Variants in MSI2 observed in about 807,000 individuals in gnomAD.
The protein encoded by MSI2 is musashi RNA binding protein 2, also known as RNA-binding protein Musashi homolog 2.
A neutral mutation model predicts 45.6 loss-of-function variants in MSI2; 17 were observed. That is an observed-to-expected ratio of 0.37 (90% CI 0.26 to 0.56). The LOEUF (loss-of-function observed/expected upper bound fraction) is 0.56. MSI2 is among the 20% of genes least tolerant of loss of function. The pLI is 0.77. For synonymous variants in MSI2, 156 were observed against 158.2 expected, an observed-to-expected ratio of 0.99 and a Z score of 0.11; for missense variants, 293 against 444.2, an observed-to-expected ratio of 0.66 and a Z score of 3.06.
chr17:57,357,217 G>A (rs895200646), intron 5 of MSI2, among the ~76,000 whole-genome samples: 2 of 152,188 alleles, frequency 1.3e-5, no homozygotes, highest in East Asian at 1.9e-4. Flanking sequence ...ACTGCCTCTC[G>A]GGGCAGCCAA....
intron 7 of MSI2, among the ~76,000 whole-genome samples, chr17:57,533,862 G>A (rs2086870639): frequency 1.3e-5 from 2 of 152,202 alleles, no homozygotes; most frequent in African/African-American, 2.4e-5. Context: ...GGGAAATCCT[G>A]GAGGGGACTT....
In MSI2 at chr17:57,507,237, G is replaced by A. The variant is rs1290079139; in HGVS notation, c.406-22439G>A. 1.9e-3 allele frequency among the ~76,000 whole-genome samples: 185 copies of A among 99,770 alleles called. 2 individuals are homozygous for A. The highest frequency in any genetic ancestry group is 7.7e-3 in the African/African-American group (169 of 22,028). The allele number at this position is 99,770 out of a possible 152,430, so 65.5% of individuals were successfully genotyped here. ...TGTCTTTGTCTCTCTGTGTGTGTGT[G>A]TGTGTGTGTGTGTGTGTGTGTGTGT... On this transcript the variant is annotated intron_variant, in intron 6 of 13. Transcript: ENST00000284073.
intron 7 of MSI2, among the ~76,000 whole-genome samples, chr17:57,555,787 A>G (rs978417123): frequency 3.3e-5 from 5 of 152,126 alleles, no homozygotes; most frequent in African/African-American, 4.8e-5. Flanking sequence ...CCAGGTTGCT[A>G]TGGCAACAGA....
intron 5 of MSI2, among the ~76,000 whole-genome samples, chr17:57,373,321 C>A (rs137866843): frequency 6.6e-5 from 10 of 152,088 alleles, no homozygotes; most frequent in Non-Finnish European, 1.3e-4. Flanking sequence ...TGAGGCCCAA[C>A]AAACATTAGT....
At chr17:57,496,258 G>A (rs78325616) in intron 6 of MSI2, among the ~76,000 whole-genome samples, 7,383 of 152,252 alleles carry the variant, frequency 0.048, 236 homozygotes, top group Non-Finnish European at 0.073. Context: ...CGCCACGCCA[G>A]CCGTGTGCCC....
intron 6 of MSI2, among the ~76,000 whole-genome samples, chr17:57,514,309 G>A (rs1271995688): frequency 6.6e-6 from 1 of 152,180 alleles, no homozygotes; most frequent in African/African-American, 2.4e-5. Context: ...ACAGTTTTCA[G>A]CAAAGCACTG....
chr17:57,576,753 T>TAAA (rs569924345), intron 7 of MSI2, among the ~76,000 whole-genome samples: 26 of 128,716 alleles, frequency 2.0e-4, no homozygotes, highest in African/African-American at 7.6e-4. Context: ...AATCTGTCTT[T>TAAA]AAAAAAAAAA....
At chr17:57,648,541 A>T (rs1196816267) in intron 10 of MSI2, among the ~76,000 whole-genome samples, 1 of 151,986 alleles carries the variant, frequency 6.6e-6, no homozygotes. Flanking sequence ...CAGGAGGAGG[A>T]GTCTGGTGGC....
chr17:57,456,705 C>A (rs910301809), intron 6 of MSI2, among the ~76,000 whole-genome samples: 4 of 152,142 alleles, frequency 2.6e-5, no homozygotes, highest in African/African-American at 9.7e-5. Context: ...CAGGGCACAA[C>A]TGGGGCTAAA....
rs766275235 is a variant in MSI2 at position 57,518,358 on chromosome 17, G to T, written c.406-11318G>T. 5.3e-5 allele frequency among the ~76,000 whole-genome samples: 8 copies of T among 151,948 alleles called. No homozygotes were observed. In the East Asian group the frequency reaches 1.6e-3, roughly 30 times the overall value. On this transcript the variant is annotated intron_variant, in intron 6 of 13. Transcript: ENST00000284073. ...TCCCCAGGCGTATGGCTGCAGCTAC[G>T]CTTGTCACCATCCGAGACTGCATTG...
chr17:57,499,449 GTTTT>G (rs531115610), intron 6 of MSI2, among the ~76,000 whole-genome samples: 58 of 150,378 alleles, frequency 3.9e-4, no homozygotes, highest in African/African-American at 1.3e-3. Context: ...CAACACACAT[GTTTT>G]TCTAAAGACA....
In MSI2 at chr17:57,681,950, A is replaced by G. The variant is rs1188062064; in HGVS notation, c.*2433A>G. ...CTTCCTTTTCTCTGCATCCCCCATC[A>G]CCTCATAGAAGACTCTTTGTTGATC... On this transcript the variant is annotated 3_prime_UTR_variant, in exon 14 of 14. Coordinates refer to ENST00000284073, the MANE Select transcript of MSI2 (RefSeq NM_138962.4). The G allele has an allele frequency of 9.4e-6, 2 of 212,300 alleles. No individual in the cohort carries two copies. The highest frequency in any genetic ancestry group is 4.5e-5 in the African/African-American group (2 of 44,172). 13.2% of individuals were successfully genotyped at this position (212,300 alleles called of 1,614,324 possible). A position where few individuals can be genotyped will look rare whatever the true frequency, so the allele number is the denominator to read the frequency against.
intron 4 of MSI2, among the ~76,000 whole-genome samples, chr17:57,260,709 A>T (rs1907229766): frequency 6.6e-6 from 1 of 152,066 alleles, no homozygotes; most frequent in African/African-American, 2.4e-5. Flanking sequence ...TTGAAAAGTA[A>T]TCTCTCATTT....
At position 57,645,279 on chromosome 17, in the gene MSI2, G is replaced by C. The variant is rs537351508; in HGVS notation, c.728-6820G>C. Reference sequence around the variant, plus strand: ...GAGACATCGCATTGGCTCTCACAGGGGACAGGCCACAAGAGTTAGCCCCCT... The same window carrying C: ...GAGACATCGCATTGGCTCTCACAGGCGACAGGCCACAAGAGTTAGCCCCCT... On this transcript the variant is annotated intron_variant, in intron 10 of 13. Transcript: ENST00000284073. Among the ~76,000 whole-genome samples the C allele has an allele frequency of 5.9e-5, 9 of 152,306 alleles. No individual in the cohort carries two copies. The East Asian group carries it at 1.7e-3, about 29-fold the overall frequency.
chr17:57,450,670 C>CAAAAAAAAA (rs58773765), intron 6 of MSI2, among the ~76,000 whole-genome samples: 1 of 31,940 alleles, frequency 3.1e-5, no homozygotes, highest in Non-Finnish European at 5.5e-5. Context: ...GACTGCATCT[C>CAAAAAAAAA]AAAAAAAAAA....
At chr17:57,438,100 C>T (rs1420292236) in intron 6 of MSI2, among the ~76,000 whole-genome samples, 1 of 152,172 alleles carries the variant, frequency 6.6e-6, no homozygotes. Flanking sequence ...GCAGCAGCCT[C>T]CACCTCCCAG....
chr17:57,442,041 ATT>A (rs34318112), intron 6 of MSI2, among the ~76,000 whole-genome samples: 2 of 143,274 alleles, frequency 1.4e-5, no homozygotes, highest in Non-Finnish European at 1.5e-5. Context: ...AACACAGCTG[ATT>A]TTTTTTTTTT....
intron 7 of MSI2, among the ~76,000 whole-genome samples, chr17:57,580,483 AC>A (rs2088171914): frequency 6.6e-6 from 1 of 151,258 alleles, no homozygotes; most frequent in African/African-American, 2.4e-5. Context: ...CCTTCCTTCC[AC>A]CCCGGCATTC....
chr17:57,673,694 A>G (rs970928682), intron 11 of MSI2, among the ~76,000 whole-genome samples: 3 of 150,686 alleles, frequency 2.0e-5, no homozygotes, highest in African/African-American at 5.0e-5. Context: ...GGCCCTCATT[A>G]GGGTCAGAAT....
Sources: gnomAD v4.1 joint callset for allele counts (sites outside exome capture counted in the v4.1 genomes callset) on GRCh38, gnomAD v4.1.1 for gene constraint, MANE v1.5 for transcripts, NCBI Gene and HGNC (gene_info 2026-07-23, HGNC 2026-07-21) for gene names.